The following SGCZ variants were observed in gnomAD, a reference collection of about 807,000 sequenced individuals.
SGCZ encodes the protein sarcoglycan zeta.
In SGCZ, 40 loss-of-function variants were observed where a neutral mutation model predicts 41.3. The observed-to-expected ratio is 0.97, with a 90% CI of 0.75 to 1.26. The LOEUF is 1.26. Among genes scored for constraint, SGCZ ranks in the 50% most tolerant of loss-of-function variants. The probability of loss-of-function intolerance (pLI) is 0.00; values close to 1 mark genes in which losing one functional copy is unlikely to be tolerated. For synonymous variants in SGCZ, 206 were observed against 137.5 expected, an observed-to-expected ratio of 1.50 and a Z score of -3.49; for missense variants, 552 against 369.8, an observed-to-expected ratio of 1.49 and a Z score of -4.04.
chr8:14,493,809 C>G (rs1052619252), intron 2 of SGCZ, among the ~76,000 whole-genome samples: 2 of 151,978 alleles, frequency 1.3e-5, no homozygotes, highest in Non-Finnish European at 2.9e-5. Context: ...TGTAACTTTC[C>G]TCCGTAGTGG....
At chr8:15,180,439 G>C (rs1800137299) in intron 1 of SGCZ, among the ~76,000 whole-genome samples, 1 of 152,108 alleles carries the variant, frequency 6.6e-6, no homozygotes, top group Non-Finnish European at 1.5e-5. Context: ...TGTCCTAAAA[G>C]GAAGACTTAG....
chr8:14,701,250 G>T (rs1226819153), intron 1 of SGCZ, among the ~76,000 whole-genome samples: 4 of 151,878 alleles, frequency 2.6e-5, no homozygotes, highest in Non-Finnish European at 4.4e-5. Context: ...GTCTTTACAG[G>T]ATTTCAAGTT....
At chr8:14,261,013 G>T (rs1192774761) in intron 3 of SGCZ, among the ~76,000 whole-genome samples, 1 of 152,056 alleles carries the variant, frequency 6.6e-6, no homozygotes, top group African/African-American at 2.4e-5. Flanking sequence ...CGAGTTAGTG[G>T]GTGCAGTGCA....
At chr8:14,541,743 C>A (rs536337317) in intron 2 of SGCZ, among the ~76,000 whole-genome samples, 1 of 152,108 alleles carries the variant, frequency 6.6e-6, no homozygotes, top group Admixed American at 6.6e-5. Context: ...TTTACACTCC[C>A]ATTAACAGTG....
At chr8:14,170,596 T>C (rs978787309) in intron 4 of SGCZ, among the ~76,000 whole-genome samples, 16 of 152,254 alleles carry the variant, frequency 1.1e-4, no homozygotes, top group African/African-American at 3.4e-4. Flanking sequence ...TGAATGCAGA[T>C]GGCCTCAACC....
chr8:14,847,508 TA>T (rs57126601), intron 1 of SGCZ, among the ~76,000 whole-genome samples: 5 of 149,152 alleles, frequency 3.4e-5, no homozygotes, highest in South Asian at 4.2e-4. Flanking sequence ...TATTAACAAG[TA>T]AAAAAAAAGG....
chr8:14,631,086 G>A (rs910292886), intron 1 of SGCZ, among the ~76,000 whole-genome samples: 4 of 151,924 alleles, frequency 2.6e-5, no homozygotes, highest in African/African-American at 9.7e-5. Context: ...ATGCCCCATT[G>A]GCTTGCTTTC....
chr8:14,764,706 T>G (rs997452149), intron 1 of SGCZ, among the ~76,000 whole-genome samples: 25 of 152,330 alleles, frequency 1.6e-4, no homozygotes, highest in Non-Finnish European at 3.4e-4. Context: ...TTCTTGTACC[T>G]TGATTAGATC....
intron 2 of SGCZ, among the ~76,000 whole-genome samples, chr8:14,415,075 G>C (rs1051523703): frequency 6.6e-6 from 1 of 151,740 alleles, no homozygotes; most frequent in South Asian, 2.1e-4. Context: ...TAATGGGAGA[G>C]TGTTTTTACA....
chr8:14,087,714 T>TA lies in SGCZ; in HGVS notation c.*2728dup, dbSNP rs200896009. ...TGCAATTAAGGGACCACTATATTTT[T>TA]AAAAAAAAAAAAATGCTTTTTTGTG... On this transcript the variant is annotated 3_prime_UTR_variant, in exon 8 of 8. Transcript: ENST00000382080. Among the ~76,000 whole-genome samples, 35,582 of 147,340 alleles carry TA rather than the reference T, an allele frequency of 0.24. 4,179 individuals carry two copies. Among genetic ancestry groups the TA allele is most frequent in the Admixed American group, 0.28 (4,048 of 14,692 alleles).
intron 1 of SGCZ, among the ~76,000 whole-genome samples, chr8:14,981,482 G>A (rs1392784811): frequency 1.3e-5 from 2 of 152,044 alleles, no homozygotes; most frequent in African/African-American, 2.4e-5. Context: ...AAAATCAAAG[G>A]GAAACCTGGC....
At chr8:15,031,081 G>C (rs1357572999) in intron 1 of SGCZ, among the ~76,000 whole-genome samples, 1 of 152,106 alleles carries the variant, frequency 6.6e-6, no homozygotes, top group East Asian at 1.9e-4. Flanking sequence ...GTGTGTGTGT[G>C]TGCGTTTTCT....
At chr8:14,857,075 G>A (rs1032909427) in intron 1 of SGCZ, among the ~76,000 whole-genome samples, 1 of 152,132 alleles carries the variant, frequency 6.6e-6, no homozygotes, top group Non-Finnish European at 1.5e-5. Context: ...TCTTAGTACT[G>A]TATAGTCAGT....
At chr8:14,350,321 G>C (rs1255602658) in intron 2 of SGCZ, among the ~76,000 whole-genome samples, 2 of 151,944 alleles carry the variant, frequency 1.3e-5, no homozygotes, top group African/African-American at 4.8e-5. Flanking sequence ...GATGGGAACA[G>C]GTCATATTCA....
chr8:14,337,249 C>G (rs1802537368), intron 2 of SGCZ, among the ~76,000 whole-genome samples: 1 of 152,138 alleles, frequency 6.6e-6, no homozygotes, highest in Non-Finnish European at 1.5e-5. Flanking sequence ...ACCTGTTCTC[C>G]TGGCCACTGT....
intron 1 of SGCZ, among the ~76,000 whole-genome samples, chr8:15,163,194 T>C (rs1049844021): frequency 6.6e-6 from 1 of 152,214 alleles, no homozygotes; most frequent in Non-Finnish European, 1.5e-5. Context: ...TACTGGCTTA[T>C]ACTTATATAA....
In SGCZ at chr8:14,093,779, C is replaced by A. The variant is rs562655772; in HGVS notation, c.745-3142G>T. Among the ~76,000 whole-genome samples, 6 of 152,212 alleles carry A rather than the reference C, an allele frequency of 3.9e-5. 1 individual carries two copies. In the Middle Eastern group the frequency reaches 0.01, roughly 259 times the overall value. ...AAATTTGCTCCAATTCTCCAAAGGT[C>A]ACCTCCTTGGAAATAACTTTTCTAA... is the stretch of plus-strand genomic sequence containing the variant. On this transcript the variant is annotated intron_variant, in intron 7 of 7. Transcript: ENST00000382080.
At chr8:14,429,653 T>C (rs773357096) in intron 2 of SGCZ, among the ~76,000 whole-genome samples, 2 of 152,198 alleles carry the variant, frequency 1.3e-5, no homozygotes, top group Non-Finnish European at 2.9e-5. Context: ...ATAATGGATT[T>C]AGAGTCGGCT....
chr8:14,497,889 C>T (rs1401424297), intron 2 of SGCZ, among the ~76,000 whole-genome samples: 1 of 152,220 alleles, frequency 6.6e-6, no homozygotes, highest in East Asian at 1.9e-4. Flanking sequence ...TTAAATGGGT[C>T]CTGCCATATT....
Sources: allele counts gnomAD v4.1 joint callset (sites outside exome capture counted in the v4.1 genomes callset), GRCh38; gene constraint gnomAD v4.1.1; transcripts MANE v1.5; gene names NCBI Gene and HGNC (gene_info 2026-07-23, HGNC 2026-07-21).